COL23A1: variants seen among roughly 807,000 people sequenced by gnomAD.
COL23A1 encodes collagen type XXIII alpha 1 chain, also known as collagen alpha-1(XXIII) chain.
In COL23A1, 97 loss-of-function variants were observed where a neutral mutation model predicts 99.3. The ratio of observed to expected loss-of-function variants is 0.98; its 90% CI spans 0.83 to 1.16. COL23A1 has a LOEUF of 1.16. Ranked by LOEUF, COL23A1 falls within the 50% of genes most tolerant of loss-of-function variation. COL23A1 has a pLI of 0.00. For missense variants in COL23A1, 762 were observed against 757.4 expected (o/e 1.01, Z -0.07); for synonymous variants, 320 against 308.2 (o/e 1.04, Z -0.40).
At chr5:178,268,813 C>T (rs1365576852) in intron 6 of COL23A1, 57 bp from the exon 7 acceptor site, 2 of 1,559,868 alleles carry the variant, frequency 1.3e-6, no homozygotes, top group Admixed American at 1.8e-5. Context: ...GGCTGGCTCC[C>T]CTTCTGGCTT....
intron 17 of COL23A1, 147 bp from the exon 18 acceptor site, chr5:178,250,252 C>G: frequency 1.3e-6 from 1 of 776,246 alleles, no homozygotes; most frequent in Non-Finnish European, 2.2e-6. Context: ...ACCGCCTCCT[C>G]TGTTTCCTCA....
chr5:178,499,680 T>C (rs900124449), intron 2 of COL23A1, among the ~76,000 whole-genome samples: 3 of 152,232 alleles, frequency 2.0e-5, no homozygotes, highest in Non-Finnish European at 4.4e-5. Flanking sequence ...GTTAATCGTA[T>C]ACCTAATAAA....
Position 178,439,136 on chromosome 5 carries a change from A to G in COL23A1, c.361+121546T>C, listed in dbSNP as rs779497623. ...ATTTTAAAGTTTTCCAGGTGATTCA[A>G]AAGGGCAGCCAGGACTGGGAGCCAC... is the stretch of plus-strand genomic sequence containing the variant. On this transcript the variant is annotated intron_variant, in intron 2 of 28. Transcript: ENST00000390654. The surrounding 1 kb of genome is among the most constrained non-coding windows in gnomAD (Gnocchi z 4.2). 7 of 152,322 alleles carry G rather than the reference A, an allele frequency of 4.6e-5. No individual in the cohort carries two copies. The highest frequency in any genetic ancestry group is 1.0e-4 in the Non-Finnish European group (7 of 68,162). 9.4% of individuals were successfully genotyped at this position (152,322 alleles called of 1,614,324 possible). A position where few individuals can be genotyped will look rare whatever the true frequency, so the allele number is the denominator to read the frequency against.
At chr5:178,312,371 A>C (rs915516632) in intron 2 of COL23A1, among the ~76,000 whole-genome samples, 1 of 152,208 alleles carries the variant, frequency 6.6e-6, no homozygotes, top group African/African-American at 2.4e-5. Context: ...TCAGCACAGT[A>C]AACAACTCCA....
At chr5:178,378,423 C>A (rs1019733848) in intron 2 of COL23A1, among the ~76,000 whole-genome samples, 1 of 152,108 alleles carries the variant, frequency 6.6e-6, no homozygotes, top group Non-Finnish European at 1.5e-5. Context: ...GTACTTCTGC[C>A]GCTGACTGGA....
At chr5:178,530,136 T>C (rs964359189) in intron 2 of COL23A1, among the ~76,000 whole-genome samples, 8 of 152,162 alleles carry the variant, frequency 5.3e-5, no homozygotes, top group African/African-American at 1.9e-4. Context: ...TTTAAGCAGG[T>C]CCACACATCT....
At chr5:178,459,381 T>C (rs904079969) in intron 2 of COL23A1, among the ~76,000 whole-genome samples, 21 of 152,214 alleles carry the variant, frequency 1.4e-4, no homozygotes, top group Admixed American at 1.2e-3. Flanking sequence ...ACAAGAAGAA[T>C]TGTGATTTAG....
At chr5:178,383,277 G>A (rs1170712697) in intron 2 of COL23A1, among the ~76,000 whole-genome samples, 1 of 152,210 alleles carries the variant, frequency 6.6e-6, no homozygotes, top group Admixed American at 6.5e-5. Context: ...CTCAGCTCCT[G>A]TTGGGACCAG....
At chr5:178,433,146 G>A (rs987207333) in intron 2 of COL23A1, among the ~76,000 whole-genome samples, 4 of 151,772 alleles carry the variant, frequency 2.6e-5, no homozygotes, top group Non-Finnish European at 5.9e-5. Context: ...TATGGACTCC[G>A]CAGGTTTAAG....
At position 178,245,974 on chromosome 5, in the gene COL23A1, G is replaced by A. The variant is rs1410835016; in HGVS notation, c.1414-6C>T. 2 of 1,614,072 alleles carry A rather than the reference G, an allele frequency of 1.2e-6. No individual in the cohort carries two copies. The highest frequency in any genetic ancestry group is 3.3e-5 in the Admixed American group (2 of 60,028). The stretch of plus-strand genomic sequence containing the variant: ...CCTGGCTCCCCGGGTCTGCCCTGAG[G>A]AGAGACACAGAGTGGGTGAGAGGGG... On this transcript the variant is annotated splice_region_variant and splice_polypyrimidine_tract_variant and intron_variant, in intron 24 of 28. Coordinates refer to ENST00000390654, the MANE Select transcript of COL23A1 (RefSeq NM_173465.4).
In COL23A1 at chr5:178,452,342, G is replaced by A. The variant is rs371998864; in HGVS notation, c.361+108340C>T. 2.0e-5 allele frequency among the ~76,000 whole-genome samples: 3 copies of A among 152,182 alleles called. No homozygotes were observed. In the East Asian group the frequency reaches 5.8e-4, roughly 29 times the overall value. On this transcript the variant is annotated intron_variant, in intron 2 of 28. Coordinates refer to ENST00000390654, the MANE Select transcript of COL23A1 (RefSeq NM_173465.4). ...TGGATTCACATTTCCTACTTTACAC[G>A]GACATATTCCAAGCAGATCAGAGTT...
chr5:178,332,128 T>A (rs1310865310), intron 2 of COL23A1, among the ~76,000 whole-genome samples: 1 of 152,168 alleles, frequency 6.6e-6, no homozygotes, highest in African/African-American at 2.4e-5. Flanking sequence ...CGTGGCTAGA[T>A]CCCTGCTGGT....
Position 178,340,911 on chromosome 5 carries a change from G to A in COL23A1, c.362-33992C>T, listed in dbSNP as rs1249580079. On this transcript the variant is annotated intron_variant, in intron 2 of 28. Coordinates refer to ENST00000390654, the MANE Select transcript of COL23A1 (RefSeq NM_173465.4). The surrounding 1 kb of genome is among the most constrained non-coding windows in gnomAD (Gnocchi z 4.7). The stretch of plus-strand genomic sequence containing the variant: ...GGCGCGGGGCTCAAGGTCAGACCCC[G>A]CAGGGGTGGCTGTCCTGCCAGGCAG... Among the ~76,000 whole-genome samples, 1 of 152,236 alleles carries A rather than the reference G, an allele frequency of 6.6e-6. No individual in the cohort carries two copies. Among genetic ancestry groups the A allele is most frequent in the African/African-American group, 2.4e-5 (1 of 41,470 alleles).
intron 1 of COL23A1, among the ~76,000 whole-genome samples, chr5:178,570,814 A>C (rs958377247): frequency 4.6e-5 from 7 of 152,150 alleles, no homozygotes; most frequent in Non-Finnish European, 7.3e-5. Flanking sequence ...GCTGAGAGCC[A>C]AGGGAGGCCG....
At chr5:178,285,280 C>G (rs1362503599) in intron 5 of COL23A1, among the ~76,000 whole-genome samples, 1 of 152,224 alleles carries the variant, frequency 6.6e-6, no homozygotes, top group African/African-American at 2.4e-5. Context: ...CCACCAGAGT[C>G]TCCTGCCAGA....
chr5:178,571,062 G>T (rs1763070121), intron 1 of COL23A1, among the ~76,000 whole-genome samples: 2 of 152,082 alleles, frequency 1.3e-5, no homozygotes, highest in Non-Finnish European at 2.9e-5. Context: ...AATCCACCAT[G>T]AGAAAGTACT....
intron 2 of COL23A1, among the ~76,000 whole-genome samples, chr5:178,392,227 G>A (rs149884257): frequency 7.9e-5 from 12 of 151,812 alleles, no homozygotes; most frequent in Admixed American, 1.3e-4. Flanking sequence ...CTTTACATGG[G>A]TAAACTGTAT....
At chr5:178,409,454 T>C (rs1486457011) in intron 2 of COL23A1, among the ~76,000 whole-genome samples, 3 of 151,956 alleles carry the variant, frequency 2.0e-5, no homozygotes, top group South Asian at 2.1e-4. Context: ...CATGGTATGA[T>C]AGTGCTGTAT....
chr5:178,503,880 G>A (rs1758716510), intron 2 of COL23A1, among the ~76,000 whole-genome samples: 1 of 152,188 alleles, frequency 6.6e-6, no homozygotes, highest in Non-Finnish European at 1.5e-5. Flanking sequence ...GGCGGAGCGG[G>A]CAGAGCCCTG....
Sources: allele counts gnomAD v4.1 joint callset (sites outside exome capture counted in the v4.1 genomes callset), GRCh38; gene constraint gnomAD v4.1.1; non-coding constraint Gnocchi (gnomAD v3.1); transcripts MANE v1.5; gene names NCBI Gene and HGNC (gene_info 2026-07-23, HGNC 2026-07-21).